ZNF423: variants seen among roughly 807,000 people sequenced by gnomAD.
ZNF423 encodes the protein zinc finger protein 423.
In ZNF423, 12 loss-of-function variants were observed where a neutral mutation model predicts 95.8. The observed-to-expected ratio is 0.13, with a 90% CI of 0.08 to 0.20. The LOEUF (loss-of-function observed/expected upper bound fraction) is 0.20, where lower values mean the gene tolerates loss of function less well. Ranked by LOEUF, ZNF423 falls within the 10% of genes least tolerant of loss-of-function variation. ZNF423 has a pLI of 1.00. For missense variants in ZNF423, 1,316 were observed against 1,737.1 expected, an observed-to-expected ratio of 0.76 and a Z score of 4.31; for synonymous variants, 749 against 711.9, an observed-to-expected ratio of 1.05 and a Z score of -0.83.
At position 49,670,099 on chromosome 16, in the gene ZNF423, C is replaced by T. The variant is rs570625768; in HGVS notation, c.302-31225G>A. Reference sequence around the variant, plus strand: ...CCAAGAAGACAAAGTCAGGGAGGCTCACGCCAGGGCTGGATGCTCCCTCCA... The same window carrying T: ...CCAAGAAGACAAAGTCAGGGAGGCTTACGCCAGGGCTGGATGCTCCCTCCA... On this transcript the variant is annotated intron_variant, in intron 3 of 7. Transcript: ENST00000563137. 2.0e-5 allele frequency among the ~76,000 whole-genome samples: 3 copies of T among 152,310 alleles called. No homozygotes were observed. The East Asian group carries it at 5.8e-4, about 29-fold the overall frequency.
chr16:49,846,786 G>T (rs1453161448), intron 1 of ZNF423, among the ~76,000 whole-genome samples: 1 of 152,186 alleles, frequency 6.6e-6, no homozygotes, highest in Non-Finnish European at 1.5e-5. Context: ...AGCCACAGGG[G>T]GTGAGGGACA....
At chr16:49,854,519 A>G in intron 1 of ZNF423, 2 of 985,480 alleles carry the variant, frequency 2.0e-6, no homozygotes, top group Non-Finnish European at 2.4e-6. Context: ...GCCAGAGGTC[A>G]TCAGGGGAGA....
rs373506257 is a variant in ZNF423 at position 49,660,841 on chromosome 16, TG to T, written c.302-21968del. On this transcript the variant is annotated intron_variant, in intron 3 of 7. Coordinates refer to ENST00000563137, the MANE Select transcript of ZNF423 (RefSeq NM_001379286.1). ...AGAGCTGGGGCAGGGTGTGGGGGGATGGGGGGGGAGCTTACTTATTCAGACC... is the reference window on the plus strand; with the variant it reads ...AGAGCTGGGGCAGGGTGTGGGGGGATGGGGGGGAGCTTACTTATTCAGACC... Among the ~76,000 whole-genome samples the T allele has an allele frequency of 9.4e-3, 1,296 of 138,266 alleles. 20 individuals carry two copies. Among genetic ancestry groups the T allele is most frequent in the African/African-American group, 0.033 (1,215 of 36,812 alleles). 90.7% of individuals were successfully genotyped at this position (138,266 alleles called of 152,430 possible). A position where few individuals can be genotyped will look rare whatever the true frequency, so the allele number is the denominator to read the frequency against.
chr16:49,565,472 G>T (rs1014206885), intron 5 of ZNF423, among the ~76,000 whole-genome samples: 2 of 152,188 alleles, frequency 1.3e-5, no homozygotes, highest in East Asian at 1.9e-4. Flanking sequence ...CTAGGGCTCT[G>T]CCCAGGACTC....
At chr16:49,704,646 C>T (rs1398357739) in intron 3 of ZNF423, among the ~76,000 whole-genome samples, 1 of 152,172 alleles carries the variant, frequency 6.6e-6, no homozygotes, top group Non-Finnish European at 1.5e-5. Flanking sequence ...GCTTTGTTCC[C>T]AGGCTCCAGT....
At chr16:49,590,029 A>AATAT (rs201361462) in intron 5 of ZNF423, among the ~76,000 whole-genome samples, 11,849 of 97,460 alleles carry the variant, frequency 0.12, 1,838 homozygotes, top group East Asian at 0.25. Flanking sequence ...GGAAGTGGCG[A>AATAT]ATATATATAT....
intron 3 of ZNF423, among the ~76,000 whole-genome samples, chr16:49,655,759 T>C (rs564368410): frequency 3.9e-5 from 6 of 152,208 alleles, no homozygotes; most frequent in Non-Finnish European, 8.8e-5. Context: ...AACAGGTGTC[T>C]GCTCCCACAG....
intron 7 of ZNF423, among the ~76,000 whole-genome samples, chr16:49,511,604 G>T (rs1401979487): frequency 1.3e-5 from 2 of 152,206 alleles, no homozygotes; most frequent in African/African-American, 4.8e-5. Flanking sequence ...ACTACTTTGG[G>T]GTGAGGGGCT....
intron 5 of ZNF423, among the ~76,000 whole-genome samples, chr16:49,549,501 C>T (rs1969558756): frequency 6.6e-6 from 1 of 152,196 alleles, no homozygotes; most frequent in Admixed American, 6.5e-5. Context: ...AACGGAGGCA[C>T]AGCAGACCCA....
chr16:49,800,012 G>C (rs1487966358), intron 1 of ZNF423, among the ~76,000 whole-genome samples: 3 of 152,146 alleles, frequency 2.0e-5, no homozygotes, highest in African/African-American at 7.2e-5. Context: ...CCAGCACTTT[G>C]GGAAGCAGAT....
At chr16:49,822,790 T>A (rs1388973498) in intron 1 of ZNF423, 29 of 1,441,944 alleles carry the variant, frequency 2.0e-5, no homozygotes, top group Non-Finnish European at 2.8e-5. Flanking sequence ...GCATGTGCAA[T>A]CTCCTGGTGA....
chr16:49,741,197 CT>C (rs34805157), intron 2 of ZNF423, among the ~76,000 whole-genome samples: 85,008 of 148,266 alleles, frequency 0.57, 24,506 homozygotes, highest in African/African-American at 0.69. Context: ...ACACCTGCTG[CT>C]TTTTTTTTTT....
intron 7 of ZNF423, among the ~76,000 whole-genome samples, chr16:49,499,061 C>T (rs1222290187): frequency 6.6e-6 from 1 of 152,220 alleles, no homozygotes; most frequent in Non-Finnish European, 1.5e-5. Flanking sequence ...CGTGGACACA[C>T]CTCACTTCTC....
intron 3 of ZNF423, among the ~76,000 whole-genome samples, chr16:49,664,737 C>T (rs935863272): frequency 1.1e-4 from 17 of 152,226 alleles, no homozygotes; most frequent in Admixed American, 9.2e-4. Context: ...GGAAACTGGC[C>T]GGGCCACAGC....
intron 5 of ZNF423, among the ~76,000 whole-genome samples, chr16:49,574,937 C>T (rs901891014): frequency 4.6e-5 from 7 of 152,176 alleles, no homozygotes; most frequent in African/African-American, 1.7e-4. Context: ...AGCACCTCTT[C>T]CCACCCGACT....
chr16:49,633,653 T>C (rs533975601), intron 4 of ZNF423, among the ~76,000 whole-genome samples: 41 of 152,132 alleles, frequency 2.7e-4, no homozygotes, highest in Non-Finnish European at 3.7e-4. Context: ...GCCAAAACAT[T>C]CCCTGAGAGC....
chr16:49,616,892 T>C (rs557758311), intron 5 of ZNF423, among the ~76,000 whole-genome samples: 5 of 152,232 alleles, frequency 3.3e-5, no homozygotes, highest in Non-Finnish European at 7.4e-5. Flanking sequence ...ATAACACTAA[T>C]ACAATATTGA....
intron 5 of ZNF423, among the ~76,000 whole-genome samples, chr16:49,588,363 A>G (rs1026520710): frequency 1.4e-4 from 21 of 152,130 alleles, no homozygotes; most frequent in African/African-American, 4.3e-4. Flanking sequence ...CTGGCTCCCG[A>G]CCTTACATAC....
intron 1 of ZNF423, among the ~76,000 whole-genome samples, chr16:49,851,585 T>C (rs1226273779): frequency 6.6e-6 from 1 of 152,178 alleles, no homozygotes; most frequent in Non-Finnish European, 1.5e-5. Flanking sequence ...CTCCTCCTCC[T>C]CCTCTGTTAA....
Sources: allele counts gnomAD v4.1 joint callset (sites outside exome capture counted in the v4.1 genomes callset), GRCh38; gene constraint gnomAD v4.1.1; transcripts MANE v1.5; gene names NCBI Gene and HGNC (gene_info 2026-07-23, HGNC 2026-07-21).